TPD52: variants seen among roughly 807,000 people sequenced by gnomAD.
The protein encoded by TPD52 is tumor protein D52.
Under a neutral mutation model 31.3 loss-of-function variants are expected in TPD52, and 17 were observed. That is an observed-to-expected ratio of 0.54 (90% CI 0.37 to 0.82). The LOEUF (loss-of-function observed/expected upper bound fraction) is 0.82. Among genes scored for constraint, TPD52 ranks in the 40% least tolerant of loss-of-function variants. The pLI is 0.00. For synonymous variants in TPD52, 83 were observed against 89.6 expected (o/e 0.93, Z 0.42); for missense variants, 212 against 240.1 (o/e 0.88, Z 0.77).
At chr8:80,060,608 A>T (rs1244567459) in intron 2 of TPD52, among the ~76,000 whole-genome samples, 1 of 152,208 alleles carries the variant, frequency 6.6e-6, no homozygotes, top group Non-Finnish European at 1.5e-5. Context: ...TATTAAAAGG[A>T]TTATAAAACA....
chr8:80,149,166 C>A (rs570781971), intron 1 of TPD52, among the ~76,000 whole-genome samples: 1 of 152,142 alleles, frequency 6.6e-6, no homozygotes, highest in African/African-American at 2.4e-5. Context: ...CCATAATTCC[C>A]GTGTGTTGTG....
intron 1 of TPD52, among the ~76,000 whole-genome samples, chr8:80,148,344 G>C (rs1810348940): frequency 6.6e-6 from 1 of 151,298 alleles, no homozygotes; most frequent in Non-Finnish European, 1.5e-5. Flanking sequence ...GTGTGTGTGT[G>C]TACAGAGAGA....
chr8:80,145,785 A>G (rs1484283083), intron 1 of TPD52, among the ~76,000 whole-genome samples: 9 of 152,226 alleles, frequency 5.9e-5, no homozygotes, highest in African/African-American at 2.2e-4. Context: ...CCGAGATGAA[A>G]GGAGGAGGGA....
At position 80,124,710 on chromosome 8, in the gene TPD52, A is replaced by AT. The variant is rs1247469597; in HGVS notation, c.19+46714dup. Among the ~76,000 whole-genome samples, 23 of 151,898 alleles carry AT rather than the reference A, an allele frequency of 1.5e-4. 1 individual carries two copies. Among genetic ancestry groups the AT allele is most frequent in the South Asian group, 4.2e-4 (2 of 4,794 alleles). ...ATAACATCACTCTAGGGGAGAAAGAATTTTTTTTTAAGAATAGCACTATCT... is the reference window on the plus strand; with the variant it reads ...ATAACATCACTCTAGGGGAGAAAGAATTTTTTTTTTAAGAATAGCACTATCT... On this transcript the variant is annotated intron_variant, in intron 1 of 7. Coordinates refer to ENST00000518937, the MANE Select transcript of TPD52 (RefSeq NM_001025253.3).
chr8:80,132,955 A>G (rs1174022700), intron 1 of TPD52, among the ~76,000 whole-genome samples: 1 of 152,156 alleles, frequency 6.6e-6, no homozygotes, highest in African/African-American at 2.4e-5. Flanking sequence ...GCCACTTTTG[A>G]GTCCATACTT....
At chr8:80,114,595 G>C (rs1807731066) in intron 1 of TPD52, among the ~76,000 whole-genome samples, 1 of 152,134 alleles carries the variant, frequency 6.6e-6, no homozygotes, top group African/African-American at 2.4e-5. Flanking sequence ...CGCTCTCAGG[G>C]AATCTGGACA....
At chr8:80,116,709 A>G (rs1445922760) in intron 1 of TPD52, among the ~76,000 whole-genome samples, 1 of 152,126 alleles carries the variant, frequency 6.6e-6, no homozygotes, top group Non-Finnish European at 1.5e-5. Flanking sequence ...ACGACAGACT[A>G]GTATTTCTAA....
At chr8:80,096,705 G>A (rs1350074579) in intron 1 of TPD52, among the ~76,000 whole-genome samples, 4 of 152,056 alleles carry the variant, frequency 2.6e-5, no homozygotes, top group African/African-American at 9.7e-5. Context: ...TGCCACAAAC[G>A]ACACCCATAC....
At chr8:80,077,693 C>T (rs994381250) in intron 1 of TPD52, among the ~76,000 whole-genome samples, 3 of 152,214 alleles carry the variant, frequency 2.0e-5, no homozygotes, top group African/African-American at 7.2e-5. Context: ...CAGCCTCAAT[C>T]TTCACATCCG....
At chr8:80,157,409 T>C (rs1163421492) in intron 1 of TPD52, among the ~76,000 whole-genome samples, 3 of 152,120 alleles carry the variant, frequency 2.0e-5, no homozygotes, top group Admixed American at 2.0e-4. Context: ...ATCAGCAGTG[T>C]AAAGTCACTA....
At chr8:80,076,572 T>G (rs376387125) in intron 1 of TPD52, among the ~76,000 whole-genome samples, 1 of 152,304 alleles carries the variant, frequency 6.6e-6, no homozygotes, top group East Asian at 1.9e-4. Context: ...GTATCAGGTT[T>G]AGTATCTGGA....
chr8:80,106,107 T>C (rs1193173765), intron 1 of TPD52, among the ~76,000 whole-genome samples: 3 of 152,176 alleles, frequency 2.0e-5, no homozygotes, highest in Admixed American at 2.0e-4. Flanking sequence ...TAGATTTTTC[T>C]AGCTTTTTTG....
chr8:80,098,830 G>A (rs1004587543), intron 1 of TPD52, among the ~76,000 whole-genome samples: 3 of 152,124 alleles, frequency 2.0e-5, no homozygotes, highest in African/African-American at 7.2e-5. Flanking sequence ...AAATTTTTTT[G>A]TGAAAGGAAG....
chr8:80,063,944 G>A (rs1282914215), intron 2 of TPD52, among the ~76,000 whole-genome samples: 1 of 124,748 alleles, frequency 8.0e-6, no homozygotes, highest in Non-Finnish European at 1.7e-5. Flanking sequence ...GGGGCGGAAA[G>A]AGAAAAAAGA....
At chr8:80,083,726 A>G (rs1287580781) in intron 1 of TPD52, among the ~76,000 whole-genome samples, 1 of 152,162 alleles carries the variant, frequency 6.6e-6, no homozygotes, top group African/African-American at 2.4e-5. Flanking sequence ...TAGCAGTGTG[A>G]GAATGGACTA....
rs1431746067 is a variant in TPD52, at chr8:80,034,939, C to T, written c.*3177G>A. 1 of 151,396 alleles carries T rather than the reference C, an allele frequency of 6.6e-6. No homozygotes were observed. Among genetic ancestry groups the T allele is most frequent in the East Asian group, 1.9e-4 (1 of 5,202 alleles). 9.4% of individuals were successfully genotyped at this position (151,396 alleles called of 1,614,324 possible). On this transcript the variant is annotated 3_prime_UTR_variant, in exon 8 of 8. Coordinates refer to ENST00000518937, the MANE Select transcript of TPD52 (RefSeq NM_001025253.3). ...CAAAAGCACTTGCAGACCCGACTCT[C>T]TGAGAACTTACAAACAAAAAGTGAA...
At chr8:80,089,332 G>GC (rs1194180124) in intron 1 of TPD52, among the ~76,000 whole-genome samples, 1 of 152,180 alleles carries the variant, frequency 6.6e-6, no homozygotes, top group Non-Finnish European at 1.5e-5. Flanking sequence ...GACAGTGACC[G>GC]CATTAATGAA....
chr8:80,091,723 C>T (rs548047488), intron 1 of TPD52, among the ~76,000 whole-genome samples: 1 of 152,328 alleles, frequency 6.6e-6, no homozygotes, highest in African/African-American at 2.4e-5. Context: ...TAAAAGATCT[C>T]CAGCCAGTGC....
chr8:80,101,103 A>G (rs1374283573), intron 1 of TPD52, among the ~76,000 whole-genome samples: 7 of 152,228 alleles, frequency 4.6e-5, no homozygotes, highest in Non-Finnish European at 8.8e-5. Context: ...TATTTAAAAG[A>G]GAAGAAAAGA....
Sources: gnomAD v4.1 joint callset for allele counts (sites outside exome capture counted in the v4.1 genomes callset) on GRCh38, gnomAD v4.1.1 for gene constraint, MANE v1.5 for transcripts, NCBI Gene and HGNC (gene_info 2026-07-23, HGNC 2026-07-21) for gene names.